Variants in LZTS3 observed in about 807,000 individuals in gnomAD.
The protein encoded by LZTS3 is leucine zipper putative tumor suppressor 3.
LZTS3 carries 16 observed loss-of-function variants against 50.9 expected under a neutral mutation model. The ratio of observed to expected loss-of-function variants is 0.31; its 90% CI spans 0.21 to 0.48. The LOEUF (loss-of-function observed/expected upper bound fraction) is 0.48, where lower values mean the gene tolerates loss of function less well. Among genes scored for constraint, LZTS3 ranks in the 20% least tolerant of loss-of-function variants. The probability of loss-of-function intolerance (pLI) is 0.99; values close to 1 mark genes in which losing one functional copy is unlikely to be tolerated. For missense variants in LZTS3, 816 were observed against 931.0 expected, an observed-to-expected ratio of 0.88 and a Z score of 1.61; for synonymous variants, 408 against 410.6, an observed-to-expected ratio of 0.99 and a Z score of 0.08.
chr20:3,167,430 T>TGCTGAGCTCA (rs1555768035), intron 2 of LZTS3: 12 of 1,213,372 alleles, frequency 9.9e-6, no homozygotes, highest in Non-Finnish European at 1.2e-5. Context: ...CCCCCAGCGT[T>TGCTGAGCTCA]GCTCAGCTCA....
chr20:3,167,715 G>T (rs1332918680), intron 2 of LZTS3, 23 bp downstream of exon 2: 3 of 985,736 alleles, frequency 3.0e-6, no homozygotes, highest in Non-Finnish European at 3.6e-6. Context: ...ATTGAGGGTG[G>T]GGGTCCTTCC....
rs569316236 is a variant in LZTS3 at position 3,163,100 on chromosome 20, G to C, written c.*1354C>G. 2 of 152,686 alleles carry C rather than the reference G, an allele frequency of 1.3e-5. No homozygotes were observed. Among genetic ancestry groups the C allele is most frequent in the Non-Finnish European group, 2.9e-5 (2 of 68,062 alleles). The allele number at this position is 152,686 out of a possible 1,614,324, so 9.5% of individuals were successfully genotyped here. A position where few individuals can be genotyped will look rare whatever the true frequency, so the allele number is the denominator to read the frequency against. ...CCCCAAAACTCAGTCTTGGGGGTGG[G>C]AGGAAGAGAGTGAAAAAGAGAGAGA... On this transcript the variant is annotated 3_prime_UTR_variant, in exon 5 of 5. Coordinates refer to ENST00000337576, the MANE Select transcript of LZTS3 (RefSeq NM_001365618.1). The surrounding 1 kb of genome is among the most constrained non-coding windows in gnomAD (Gnocchi z 5.2).
intron 1 of LZTS3, among the ~76,000 whole-genome samples, chr20:3,170,639 A>G (rs1161731326): frequency 6.6e-6 from 1 of 151,520 alleles, no homozygotes; most frequent in African/African-American, 2.4e-5. Flanking sequence ...AAAAATACAA[A>G]AAAATTAGCT....
Position 3,166,862 on chromosome 20 carries a change from C to T in LZTS3, c.302G>A (p.Gly101Asp). The T allele has an allele frequency of 2.3e-5, 37 of 1,613,842 alleles. No individual in the cohort carries two copies. Among genetic ancestry groups the T allele is most frequent in the Non-Finnish European group, 3.1e-5 (36 of 1,180,028 alleles). ...GGTGTGGTCACTGCCCCGCAGCTCA[C>T]CATTGAGGTAGAGGGAGTTGGCGAG... ...KGLANSLYLN[G>D]ELRGSDHTDV... The change falls in exon 3 of 5, where the codon GGT (glycine) becomes GAT (aspartate). Residue 101 changes from glycine to aspartate, a missense_variant. By Grantham distance (94) the Gly-to-Asp change is moderately conservative. This residue lies in a region of LZTS3 where 700 missense variants were observed against 769.4 expected (regional missense o/e 0.91). Coordinates refer to ENST00000337576, the MANE Select transcript of LZTS3 (RefSeq NM_001365618.1).
At chr20:3,170,453 C>T (rs2066887823) in intron 1 of LZTS3, among the ~76,000 whole-genome samples, 1 of 140,968 alleles carries the variant, frequency 7.1e-6, no homozygotes, top group East Asian at 2.1e-4. Flanking sequence ...CATGCCACTG[C>T]ACTCCAGCCT....
intron 2 of LZTS3, 79 bp from the exon 3 acceptor site, chr20:3,167,260 C>T: frequency 7.1e-7 from 1 of 1,416,918 alleles, no homozygotes; most frequent in Non-Finnish European, 9.2e-7. Flanking sequence ...CAACCCGGCA[C>T]CGCTCTGCCC....
intron 1 of LZTS3, among the ~76,000 whole-genome samples, chr20:3,169,695 T>C (rs989550833): frequency 2.0e-5 from 3 of 151,392 alleles, no homozygotes; most frequent in Non-Finnish European, 4.4e-5. Context: ...CCTGGCCAAA[T>C]TGGTGGAACC....
rs367596211 is a variant in LZTS3 at position 3,171,368 on chromosome 20, C to G, written c.-243+2087G>C. On this transcript the variant is annotated intron_variant, in intron 1 of 4. Transcript: ENST00000337576. The stretch of plus-strand genomic sequence containing the variant: ...ACCTGGGGAATGCTTGACTATCAAC[C>G]CACAGAAGCTCTCTCTGGAGCCTCA... Among the ~76,000 whole-genome samples the G allele has an allele frequency of 3.9e-5, 6 of 152,062 alleles. 1 individual carries two copies. In the South Asian group the frequency reaches 8.3e-4, roughly 21 times the overall value.
chr20:3,165,389 T>TGGGGG lies in LZTS3; in HGVS notation c.1323+107_1323+108insCCCCC. 2 of 1,229,596 alleles carry TGGGGG rather than the reference T, an allele frequency of 1.6e-6. No individual in the cohort carries two copies. Among genetic ancestry groups the TGGGGG allele is most frequent in the Non-Finnish European group, 2.2e-6 (2 of 926,162 alleles). 76.2% of individuals were successfully genotyped at this position (1,229,596 alleles called of 1,614,324 possible). ...TTGATTTTTGTCCCCCCTGCTCCTT[T>TGGGGG]CATCCCCCCCCCCATCCCACCGTTA... On this transcript the variant is annotated intron_variant, in intron 4 of 4. Coordinates refer to ENST00000337576, the MANE Select transcript of LZTS3 (RefSeq NM_001365618.1). The surrounding 1 kb of genome is among the most constrained non-coding windows in gnomAD (Gnocchi z 5.0).
chr20:3,168,082 G>C (rs2066856847), intron 1 of LZTS3, 121 bp from the exon 2 acceptor site: 1 of 152,466 alleles, frequency 6.6e-6, no homozygotes, highest in African/African-American at 2.4e-5. Flanking sequence ...ACGCACATCT[G>C]GGTCGCGGGT....
rs536416328 is a variant in LZTS3, at chr20:3,165,743, C to T, written c.1077G>A (p.Ala359=). 4 of 1,574,832 alleles carry T rather than the reference C, an allele frequency of 2.5e-6. No homozygotes were observed. Among genetic ancestry groups the T allele is most frequent in the Middle Eastern group, 1.8e-4 (1 of 5,626 alleles). The change falls in exon 4 of 5, where the codon GCG becomes GCA. Residue 359 remains alanine (A), a synonymous_variant. Transcript: ENST00000337576. The surrounding 1 kb of genome is among the most constrained non-coding windows in gnomAD (Gnocchi z 5.0). ...GCAGCTCGGCCAGCTCCCGCTCCCA[C>T]GCCTTCTGCCGCTCCTCCAGTACCT... ...VAQVLEERQK[A]WERELAELRQ... is the part of the protein sequence containing the mutation.
Position 3,166,866 on chromosome 20 carries a change from T to C in LZTS3, c.298A>G (p.Asn100Asp). The C allele has an allele frequency of 6.2e-7, 1 of 1,613,772 alleles. No individual in the cohort carries two copies. The highest frequency in any genetic ancestry group is 1.3e-5 in the African/African-American group (1 of 75,032). Reference protein sequence around the residue: ...DKGLANSLYLNGELRGSDHTD... With the variant: ...DKGLANSLYLDGELRGSDHTD... ...TGGTCACTGCCCCGCAGCTCACCAT[T>C]GAGGTAGAGGGAGTTGGCGAGACCC... The change falls in exon 3 of 5, where the codon AAT becomes GAT. Residue 100 changes from asparagine to aspartate, a missense_variant. Physicochemically the swap from Asn to Asp is conservative, Grantham distance 23 (BLOSUM62 1). Coordinates refer to ENST00000337576, the MANE Select transcript of LZTS3 (RefSeq NM_001365618.1).
At position 3,165,512 on chromosome 20, in the gene LZTS3, C is replaced by T; in HGVS notation, c.1308G>A (p.Glu436=). The T allele has an allele frequency of 3.2e-6, 5 of 1,542,236 alleles. No individual in the cohort carries two copies. Among genetic ancestry groups the T allele is most frequent in the South Asian group, 1.2e-5 (1 of 81,738 alleles). The change falls in exon 4 of 5, where the codon GAG becomes GAA. Residue 436 remains glutamate (E), a synonymous_variant. Coordinates refer to ENST00000337576, the MANE Select transcript of LZTS3 (RefSeq NM_001365618.1). The surrounding 1 kb of genome is among the most constrained non-coding windows in gnomAD (Gnocchi z 5.0). ...KEQADFLPRI[E]ETKWEVCQKA... ...CAGCCCGCACCTCCCACTTAGTTTC[C>T]TCTATCCGGGGCAGGAAGTCGGCCT... is the stretch of plus-strand genomic sequence containing the variant.
chr20:3,167,590 A>G, intron 2 of LZTS3, 148 bp downstream of exon 2: 2 of 997,908 alleles, frequency 2.0e-6, no homozygotes, highest in Non-Finnish European at 2.4e-6. Context: ...GGACCCTAAT[A>G]TCCCAACCTC....
At chr20:3,172,926 C>T (rs1222235951) in intron 1 of LZTS3, among the ~76,000 whole-genome samples, 1 of 152,048 alleles carries the variant, frequency 6.6e-6, no homozygotes, top group Non-Finnish European at 1.5e-5. Flanking sequence ...TAAGCACTGG[C>T]AGCGGAATGG....
chr20:3,170,747 C>T lies in LZTS3; in HGVS notation c.-243+2708G>A, dbSNP rs140473158. ...GGTGGAGGTTGCAGTGAGCCAAGAT[C>T]GCACCACTGCACTCCAGCATAGGTG... On this transcript the variant is annotated intron_variant, in intron 1 of 4. Coordinates refer to ENST00000337576, the MANE Select transcript of LZTS3 (RefSeq NM_001365618.1). Among the ~76,000 whole-genome samples the T allele has an allele frequency of 1.1e-4, 16 of 152,040 alleles. No homozygotes were observed. The East Asian group carries it at 2.9e-3, about 28-fold the overall frequency.
rs1464640874 is a variant in LZTS3, at chr20:3,167,095, T to C, written c.69A>G (p.Pro23=). ...PGRDPLLAFA[P]RPSELGPPDP... is the part of the protein sequence containing the mutation. ...CCGGGGGTCCAAGCTCGGAGGGCCGTGGGGCAAAGGCCAGGAGAGGATCCC... is the reference window on the plus strand; with the variant it reads ...CCGGGGGTCCAAGCTCGGAGGGCCGCGGGGCAAAGGCCAGGAGAGGATCCC... The change falls in exon 3 of 5, where the codon CCA becomes CCG. Residue 23 remains proline (P), a synonymous_variant. Transcript: ENST00000337576. The C allele has an allele frequency of 6.5e-7, 1 of 1,537,116 alleles. No individual in the cohort carries two copies.
Position 3,162,720 on chromosome 20 carries a change from A to C in LZTS3, c.*1734T>G, listed in dbSNP as rs2066752266. The stretch of plus-strand genomic sequence containing the variant: ...TATATATTTATATATATTTATATAT[A>C]ATTTCTTTTGTGGTTGGACGTCCCA... On this transcript the variant is annotated 3_prime_UTR_variant, in exon 5 of 5. Coordinates refer to ENST00000337576, the MANE Select transcript of LZTS3 (RefSeq NM_001365618.1). The surrounding 1 kb of genome is among the most constrained non-coding windows in gnomAD (Gnocchi z 5.0). The C allele has an allele frequency of 6.6e-6, 1 of 152,110 alleles. No individual in the cohort carries two copies. Among genetic ancestry groups the C allele is most frequent in the African/African-American group, 2.4e-5 (1 of 41,410 alleles). The allele number at this position is 152,110 out of a possible 1,614,324, so 9.4% of individuals were successfully genotyped here.
Position 3,164,883 on chromosome 20 carries a change from A to G in LZTS3, c.1593T>C (p.Asp531=). Residue 531 remains aspartate (D), a synonymous_variant, in exon 5 of 5, where the codon GAT becomes GAC. Coordinates refer to ENST00000337576, the MANE Select transcript of LZTS3 (RefSeq NM_001365618.1). The part of the protein sequence containing the change: ...LTPVDPAEPQ[D]ALATCESDEA... ...CGTCGCTCTCGCAGGTGGCCAGAGC[A>G]TCCTGTGGCTCGGCCGGGTCCACGG... 6.4e-7 allele frequency: 1 copy of G among 1,555,418 alleles called. No individual in the cohort carries two copies. Among genetic ancestry groups the G allele is most frequent in the South Asian group, 1.2e-5 (1 of 85,306 alleles).
Sources: gnomAD v4.1 joint callset for allele counts (sites outside exome capture counted in the v4.1 genomes callset) on GRCh38, gnomAD v4.1.1 for gene constraint, gnomAD v4.1.1 regional missense constraint, Gnocchi (gnomAD v3.1) non-coding constraint, MANE v1.5 for transcripts, NCBI Gene and HGNC (gene_info 2026-07-23, HGNC 2026-07-21) for gene names.